Variants in LOXL4 observed in about 807,000 individuals in gnomAD.
LOXL4 encodes the protein lysyl oxidase homolog 4.
A neutral mutation model predicts 89.1 loss-of-function variants in LOXL4; 72 were observed. The ratio of observed to expected loss-of-function variants is 0.81; its 90% CI spans 0.67 to 0.98. The LOEUF (loss-of-function observed/expected upper bound fraction) is 0.98, where lower values mean the gene tolerates loss of function less well. LOXL4 is among the 50% of genes least tolerant of loss of function. The pLI, the probability that LOXL4 is intolerant of heterozygous loss-of-function variation, is 0.00. For synonymous variants in LOXL4, 355 were observed against 392.1 expected, an observed-to-expected ratio of 0.91 and a Z score of 1.12; for missense variants, 984 against 1,017.5, an observed-to-expected ratio of 0.97 and a Z score of 0.45.
intron 8 of LOXL4, 76 bp from the exon 9 acceptor site, chr10:98,257,023 GC>G: frequency 6.7e-7 from 1 of 1,501,964 alleles, no homozygotes; most frequent in Non-Finnish European, 9.0e-7. Context: ...CTGGAGGTCT[GC>G]CCAAGCCAGC....
chr10:98,260,938 C>A lies in LOXL4; in HGVS notation c.646G>T (p.Asp216Tyr). The A allele has an allele frequency of 5.6e-6, 9 of 1,611,002 alleles. No individual in the cohort carries two copies. The highest frequency in any genetic ancestry group is 7.6e-6 in the Non-Finnish European group (9 of 1,179,070). ...MLGFPSEVPV[D>Y]SHYYRKVWDL... is the part of the protein sequence containing the mutation. ...CCCTCCTACCTGTAGTAGTGGCTGT[C>A]GACAGGCACCTCGCTGGGGAAGCCC... The change falls in exon 4 of 15, where the codon GAC (aspartate) becomes TAC (tyrosine). Residue 216 changes from aspartate to tyrosine, a missense_variant. Asp to Tyr is a radical substitution (Grantham distance 160). Coordinates refer to ENST00000260702, the MANE Select transcript of LOXL4 (RefSeq NM_032211.7).
chr10:98,251,115 C>G lies in LOXL4; in HGVS notation c.2150G>C (p.Cys717Ser), dbSNP rs760364697. The G allele has an allele frequency of 2.5e-6, 4 of 1,614,022 alleles. No individual in the cohort carries two copies. Among genetic ancestry groups the G allele is most frequent in the Non-Finnish European group, 2.5e-6 (3 of 1,180,028 alleles). Residue 717 changes from cysteine to serine, a missense_variant, in exon 14 of 15, where the codon TGC becomes TCC. Cys to Ser is a moderately radical substitution (Grantham distance 112). Coordinates refer to ENST00000260702, the MANE Select transcript of LOXL4 (RefSeq NM_032211.7). ...ESDFSNNMLQ[C>S]RCKYDGHRVW... The stretch of plus-strand genomic sequence containing the variant: ...CCGGTGCCCATCATACTTGCAGCGG[C>G]ACTGCAGCATATTGTTGGAGAAATC...
rs1041173101 is a variant in LOXL4 at position 98,258,032 on chromosome 10, G to C, written c.1054C>G (p.Leu352Val). 1 of 1,613,924 alleles carries C rather than the reference G, an allele frequency of 6.2e-7. No homozygotes were observed. Reference sequence around the variant, plus strand: ...GCCTCCCGAGCAGAGCCAAAGCCCAGCTGACGACACACGACACTGGCAGAG... The same window carrying C: ...GCCTCCCGAGCAGAGCCAAAGCCCACCTGACGACACACGACACTGGCAGAG... ...LISASVVCRQ[L>V]GFGSAREALF... is the part of the protein sequence containing the mutation. The change falls in exon 7 of 15, where the codon CTG (leucine) becomes GTG (valine). Residue 352 changes from leucine to valine, a missense_variant. By Grantham distance (32) the Leu-to-Val change is conservative. Coordinates refer to ENST00000260702, the MANE Select transcript of LOXL4 (RefSeq NM_032211.7).
rs182513999 is a variant in LOXL4, at chr10:98,260,472, G to A, written c.662+450C>T. Among the ~76,000 whole-genome samples the A allele has an allele frequency of 3.0e-3, 420 of 141,548 alleles. 3 individuals are homozygous for A. Among genetic ancestry groups the A allele is most frequent in the South Asian group, 0.011 (48 of 4,392 alleles). 92.9% of individuals were successfully genotyped at this position (141,548 alleles called of 152,430 possible). A position where few individuals can be genotyped will look rare whatever the true frequency, so the allele number is the denominator to read the frequency against. On this transcript the variant is annotated intron_variant, in intron 4 of 14. Transcript: ENST00000260702. ...TTATGTTCAACTGTTTTCACCGGGG[G>A]CGGGGGGTGGGGGGGCGTTCTGTAC...
At chr10:98,252,319 A>G (rs1227610496) in intron 12 of LOXL4, 34 bp downstream of exon 12, 1 of 1,465,566 alleles carries the variant, frequency 6.8e-7, no homozygotes, top group African/African-American at 1.4e-5. Context: ...TAACAAAAGG[A>G]GATGCTGATA....
At chr10:98,258,456 G>T (rs1408524877) in intron 6 of LOXL4, among the ~76,000 whole-genome samples, 1 of 151,668 alleles carries the variant, frequency 6.6e-6, no homozygotes, top group Non-Finnish European at 1.5e-5. Context: ...TCTCAGTGTG[G>T]CACTAAGGTG....
intron 4 of LOXL4, among the ~76,000 whole-genome samples, chr10:98,260,089 G>T (rs184187927): frequency 6.6e-6 from 1 of 152,334 alleles, no homozygotes; most frequent in East Asian, 1.9e-4. Context: ...CCCTGACACG[G>T]ATCTGGCAGA....
At chr10:98,263,754 C>T (rs1430009869) in intron 1 of LOXL4, among the ~76,000 whole-genome samples, 1 of 141,686 alleles carries the variant, frequency 7.1e-6, no homozygotes, top group Non-Finnish European at 1.5e-5. Context: ...TTTTTCGAGA[C>T]AGAGTCTCTC....
chr10:98,262,171 C>A lies in LOXL4; in HGVS notation c.320G>T (p.Ser107Ile). ...LDNVRCVGTE[S>I]SLDQCGSNGW... ...ATTAGACCCGCACTGGTCCAAGGAGCTCTCTGTGCCCACACAGCGCACATT... is the reference window on the plus strand; with the variant it reads ...ATTAGACCCGCACTGGTCCAAGGAGATCTCTGTGCCCACACAGCGCACATT... Residue 107 changes from serine to isoleucine, a missense_variant, in exon 3 of 15, where the codon AGC becomes ATC. Transcript: ENST00000260702. The A allele has an allele frequency of 6.2e-7, 1 of 1,613,798 alleles. No individual in the cohort carries two copies. The highest frequency in any genetic ancestry group is 8.5e-7 in the Non-Finnish European group (1 of 1,180,020).
rs371595194 is a variant in LOXL4, at chr10:98,252,826, G to A, written c.1836-358C>T. On this transcript the variant is annotated intron_variant, in intron 11 of 14. Coordinates refer to ENST00000260702, the MANE Select transcript of LOXL4 (RefSeq NM_032211.7). Reference sequence around the variant, plus strand: ...CTAGGAGCTGACCTGCTGGGAAGAGGGTCCCTGTAAGCCTGGGACCAAATT... The same window carrying A: ...CTAGGAGCTGACCTGCTGGGAAGAGAGTCCCTGTAAGCCTGGGACCAAATT... 3.3e-5 allele frequency among the ~76,000 whole-genome samples: 5 copies of A among 152,276 alleles called. No individual in the cohort carries two copies. The South Asian group carries it at 1.0e-3, about 32-fold the overall frequency.
chr10:98,259,917 A>G (rs7081249), intron 4 of LOXL4, among the ~76,000 whole-genome samples: 150,726 of 152,300 alleles, frequency 0.99, 74,606 homozygotes, highest in South Asian at 1. Context: ...ATGGAGCCAG[A>G]GGCTGACCAG....
intron 5 of LOXL4, 29 bp downstream of exon 5, chr10:98,259,362 C>T: frequency 6.2e-7 from 1 of 1,611,224 alleles, no homozygotes; most frequent in Non-Finnish European, 8.5e-7. Context: ...CACCCCTTTG[C>T]CTCCTCCCTC....
At chr10:98,259,964 A>G (rs760176205) in intron 4 of LOXL4, among the ~76,000 whole-genome samples, 9 of 152,198 alleles carry the variant, frequency 5.9e-5, no homozygotes, top group Non-Finnish European at 1.2e-4. Flanking sequence ...CCTCTAAGTC[A>G]CTGCAACAAG....
chr10:98,248,943 C>G lies in LOXL4; in HGVS notation c.2249G>C (p.Arg750Pro). Reference protein sequence around the residue: ...NAELSLEQEQRLRNNLI With the variant: ...NAELSLEQEQPLRNNLI ...GCTTCAGATGAGGTTGTTCCTGAGA[C>G]GCTGTTCCTGCTCCAGGGAGAGTTC... The change falls in exon 15 of 15, where the codon CGT becomes CCT. Residue 750 changes from arginine to proline, a missense_variant. By Grantham distance (103) the Arg-to-Pro change is moderately radical. Coordinates refer to ENST00000260702, the MANE Select transcript of LOXL4 (RefSeq NM_032211.7). 6.2e-7 allele frequency: 1 copy of G among 1,613,864 alleles called. No homozygotes were observed. The highest frequency in any genetic ancestry group is 8.5e-7 in the Non-Finnish European group (1 of 1,179,914).
At chr10:98,251,423 C>G in intron 13 of LOXL4, 143 bp downstream of exon 13, 1 of 1,161,128 alleles carries the variant, frequency 8.6e-7, no homozygotes, top group Non-Finnish European at 1.2e-6. Context: ...TTGACTGTTA[C>G]TTCCCTAACA....
At chr10:98,253,172 C>G (rs1858254212) in intron 11 of LOXL4, among the ~76,000 whole-genome samples, 1 of 152,216 alleles carries the variant, frequency 6.6e-6, no homozygotes, top group South Asian at 2.1e-4. Flanking sequence ...GAGCCAGCAC[C>G]CTGGATGGGA....
Position 98,260,440 on chromosome 10 carries a change from C to T in LOXL4, c.662+482G>A, listed in dbSNP as rs377295606. On this transcript the variant is annotated intron_variant, in intron 4 of 14. Coordinates refer to ENST00000260702, the MANE Select transcript of LOXL4 (RefSeq NM_032211.7). ...AAGTCTAGTGTTTTAACCAAGGACACGCGGTTTTATGTTCAACTGTTTTCA... is the reference window on the plus strand; with the variant it reads ...AAGTCTAGTGTTTTAACCAAGGACATGCGGTTTTATGTTCAACTGTTTTCA... Among the ~76,000 whole-genome samples, 9 of 147,814 alleles carry T rather than the reference C, an allele frequency of 6.1e-5. No individual in the cohort carries two copies. The South Asian group carries it at 1.1e-3, about 17-fold the overall frequency.
intron 14 of LOXL4, among the ~76,000 whole-genome samples, chr10:98,250,587 TTGAC>T (rs1368390391): frequency 1.3e-5 from 2 of 152,172 alleles, no homozygotes; most frequent in African/African-American, 2.4e-5. Context: ...GATGCTTCCT[TTGAC>T]TGATGCTACC....
At chr10:98,261,933 G>A in intron 3 of LOXL4, 102 bp downstream of exon 3, 3 of 1,237,464 alleles carry the variant, frequency 2.4e-6, no homozygotes, top group Non-Finnish European at 3.3e-6. Context: ...AGTGCAGACT[G>A]CACCCTTTCC....
Sources: allele counts gnomAD v4.1 joint callset (sites outside exome capture counted in the v4.1 genomes callset), GRCh38; gene constraint gnomAD v4.1.1; transcripts MANE v1.5; gene names NCBI Gene and HGNC (gene_info 2026-07-23, HGNC 2026-07-21).